STK17B: variants seen among roughly 807,000 people sequenced by gnomAD.
The protein encoded by STK17B is serine/threonine-protein kinase 17B.
A neutral mutation model predicts 42.0 loss-of-function variants in STK17B; 21 were observed. The observed-to-expected ratio is 0.50, with a 90% CI of 0.35 to 0.72. The LOEUF (loss-of-function observed/expected upper bound fraction) is 0.72. STK17B is among the 30% of genes least tolerant of loss of function. STK17B has a pLI of 0.00. For synonymous variants in STK17B, 143 were observed against 148.4 expected, an observed-to-expected ratio of 0.96 and a Z score of 0.26; for missense variants, 349 against 446.0, an observed-to-expected ratio of 0.78 and a Z score of 1.96.
At position 196,155,725 on chromosome 2, in the gene STK17B, TGACA is replaced by T. The variant is rs376398950; in HGVS notation, c.335+710_335+713del. On this transcript the variant is annotated intron_variant, in intron 3 of 7. Coordinates refer to ENST00000263955, the MANE Select transcript of STK17B (RefSeq NM_004226.4). ...ACATTTTACATCCTTAGAATAAACG[TGACA>T]GACAATCATGCAACAAAGGCACTCT... Among the ~76,000 whole-genome samples the T allele has an allele frequency of 6.8e-4, 104 of 152,318 alleles. 1 individual carries two copies. The highest frequency in any genetic ancestry group is 2.4e-3 in the African/African-American group (101 of 41,578).
chr2:196,137,872 G>GA, intron 7 of STK17B, 143 bp from the exon 8 acceptor site: 1 of 876,326 alleles, frequency 1.1e-6, no homozygotes, highest in East Asian at 2.7e-5. Context: ...GTACAGAAGA[G>GA]AATAATAATG....
chr2:196,170,976 A>T (rs1699933324), intron 1 of STK17B: 1 of 152,450 alleles, frequency 6.6e-6, no homozygotes, highest in Non-Finnish European at 1.5e-5. Flanking sequence ...GCCCGCCGCG[A>T]AGGGGGCCCT....
chr2:196,151,124 T>C (rs1699659777), intron 3 of STK17B: 1 of 152,230 alleles, frequency 6.6e-6, no homozygotes, highest in Non-Finnish European at 1.5e-5. Context: ...GTAGACAAAA[T>C]TTCTTGACAA....
chr2:196,163,472 AG>A, intron 1 of STK17B, 45 bp from the exon 2 acceptor site: 1 of 1,442,966 alleles, frequency 6.9e-7, no homozygotes, highest in Non-Finnish European at 9.2e-7. Flanking sequence ...TATCTCAGGC[AG>A]GATGTGCATT....
At chr2:196,171,899 C>T (rs932748137), upstream of STK17B, among the ~76,000 whole-genome samples, 1 of 152,122 alleles carries the variant, frequency 6.6e-6, no homozygotes, top group African/African-American at 2.4e-5. Context: ...TCCTTCCCAC[C>T]TTCAGAGAGG....
intron 6 of STK17B, among the ~76,000 whole-genome samples, chr2:196,140,985 C>T (rs747948541): frequency 1.3e-4 from 20 of 152,170 alleles, no homozygotes; most frequent in Non-Finnish European, 1.0e-4. Context: ...TAGCAATGTA[C>T]TGCAAGTATT....
chr2:196,171,181 C>T (rs1174735434), intron 1 of STK17B, among the ~76,000 whole-genome samples, 152 bp downstream of exon 1: 1 of 152,152 alleles, frequency 6.6e-6, no homozygotes, highest in Admixed American at 6.5e-5. Flanking sequence ...AATCAGCCAC[C>T]TCAGGGGCGG....
rs56228509 is a variant in STK17B, at chr2:196,171,418, G to A, written c.-130C>T. Reference sequence around the variant, plus strand: ...CACGCCGGGGGCCGCCACAGGACGAGTTCTCTAGCTCCAGCCGGGCGAGGC... The same window carrying A: ...CACGCCGGGGGCCGCCACAGGACGAATTCTCTAGCTCCAGCCGGGCGAGGC... On this transcript the variant is annotated 5_prime_UTR_variant, in exon 1 of 8. Transcript: ENST00000263955. 7,855 of 152,452 alleles carry A rather than the reference G, an allele frequency of 0.052. 248 individuals are homozygous for A. Among genetic ancestry groups the A allele is most frequent in the East Asian group, 0.091 (472 of 5,176 alleles). The allele number at this position is 152,452 out of a possible 1,614,324, so 9.4% of individuals were successfully genotyped here. A position where few individuals can be genotyped will look rare whatever the true frequency, so the allele number is the denominator to read the frequency against.
intron 3 of STK17B, 160 bp downstream of exon 3, chr2:196,156,279 T>A (rs560838972): frequency 1.6e-5 from 10 of 636,098 alleles, no homozygotes; most frequent in Non-Finnish European, 2.4e-5. Context: ...AGGCTATACA[T>A]TTAGTCTTAT....
upstream of STK17B, among the ~76,000 whole-genome samples, chr2:196,171,729 G>A (rs936848942): frequency 2.7e-5 from 4 of 150,064 alleles, no homozygotes; most frequent in African/African-American, 9.7e-5. Context: ...GGCGGGGCCC[G>A]GCGGTGAGAG....
chr2:196,146,297 G>C (rs1193645348), intron 3 of STK17B, among the ~76,000 whole-genome samples: 1 of 152,010 alleles, frequency 6.6e-6, no homozygotes, highest in East Asian at 1.9e-4. Flanking sequence ...ACTGAAGGTT[G>C]GGAGTTCGAG....
At chr2:196,166,875 T>C (rs1009396220) in intron 1 of STK17B, among the ~76,000 whole-genome samples, 2 of 152,220 alleles carry the variant, frequency 1.3e-5, no homozygotes, top group African/African-American at 4.8e-5. Context: ...TTTTAAAAAA[T>C]AGAATATACA....
chr2:196,154,386 G>C (rs1699711556), intron 3 of STK17B: 1 of 152,188 alleles, frequency 6.6e-6, no homozygotes. Context: ...AGCAAAACCA[G>C]TAATAAAACC....
chr2:196,146,234 C>T (rs1344144356), intron 3 of STK17B, among the ~76,000 whole-genome samples, 179 bp from the exon 4 acceptor site: 3 of 152,182 alleles, frequency 2.0e-5, no homozygotes, highest in Non-Finnish European at 2.9e-5. Context: ...TGGCTGGGTG[C>T]GGTGGCTCAT....
chr2:196,168,415 G>A (rs941170907), intron 1 of STK17B, among the ~76,000 whole-genome samples: 1 of 152,184 alleles, frequency 6.6e-6, no homozygotes, highest in Admixed American at 6.5e-5. Context: ...CTCACAAGAC[G>A]GAAAATTGGG....
chr2:196,137,711 C>G lies in STK17B; in HGVS notation c.855G>C (p.Glu285Asp). Residue 285 changes from glutamate to aspartate, a missense_variant, in exon 8 of 8, where the codon GAG becomes GAC. Transcript: ENST00000263955. ...GTAGCCAAGAATGAGAAAGGCATATCTCTGCTGTTGGTCTTTTCCTTTGAA... is the reference window on the plus strand; with the variant it reads ...GTAGCCAAGAATGAGAAAGGCATATGTCTGCTGTTGGTCTTTTCCTTTGAA... ...VKNPEKRPTA[E>D]ICLSHSWLQQ... The G allele has an allele frequency of 6.2e-7, 1 of 1,612,286 alleles. No homozygotes were observed. The highest frequency in any genetic ancestry group is 1.3e-5 in the African/African-American group (1 of 74,978).
At chr2:196,154,408 C>T (rs2105699699) in intron 3 of STK17B, 1 of 152,318 alleles carries the variant, frequency 6.6e-6, no homozygotes, top group East Asian at 1.9e-4. Context: ...GACTTTATTG[C>T]CACCTGATGT....
At chr2:196,165,939 T>C (rs932883839) in intron 1 of STK17B, among the ~76,000 whole-genome samples, 1 of 152,246 alleles carries the variant, frequency 6.6e-6, no homozygotes, top group Non-Finnish European at 1.5e-5. Context: ...CTAAACTTCA[T>C]TCTTAAAAGT....
At chr2:196,176,221 C>CT (rs1255830373), upstream of STK17B, 3 of 152,234 alleles carry the variant, frequency 2.0e-5, no homozygotes, top group African/African-American at 7.2e-5. Flanking sequence ...TGTCAGCTCT[C>CT]TTACCTCAAT....
Sources: allele counts gnomAD v4.1 joint callset (sites outside exome capture counted in the v4.1 genomes callset), GRCh38; gene constraint gnomAD v4.1.1; transcripts MANE v1.5; gene names NCBI Gene and HGNC (gene_info 2026-07-23, HGNC 2026-07-21).